TMEM272: variants seen among roughly 807,000 people sequenced by gnomAD.
The protein encoded by TMEM272 is long intergenic non-protein coding RNA 282.
A neutral mutation model predicts 3.7 loss-of-function variants in TMEM272; 8 were observed. The ratio of observed to expected loss-of-function variants is 2.17; its 90% CI spans 1.27 to 3.91. TMEM272 has a LOEUF of 3.91. Ranked by LOEUF, TMEM272 falls within the 30% of genes most tolerant of loss-of-function variation. The pLI, the probability that TMEM272 is intolerant of heterozygous loss-of-function variation, is 0.00. For synonymous variants in TMEM272, 63 were observed against 39.8 expected (o/e 1.58, Z -2.20); for missense variants, 166 against 91.5 (o/e 1.81, Z -3.32).
the TMEM272 span, among the ~76,000 whole-genome samples, chr13:51,870,066 G>A: frequency 6.6e-6 from 1 of 152,126 alleles, no homozygotes; most frequent in African/African-American, 2.4e-5. Flanking sequence ...AGTCTTTATG[G>A]TGGCTTTTGT....
At chr13:51,889,538 C>T in the TMEM272 span, among the ~76,000 whole-genome samples, 6,412 of 152,194 alleles carry the variant, frequency 0.042, 453 homozygotes, top group African/African-American at 0.15. Flanking sequence ...CCAGCCCTGC[C>T]GGCACCTTGA....
At chr13:51,847,857 A>T (rs145695367), upstream of TMEM272, among the ~76,000 whole-genome samples, 4 of 152,324 alleles carry the variant, frequency 2.6e-5, no homozygotes, top group Non-Finnish European at 1.5e-5. Flanking sequence ...CTGGGAGTTC[A>T]GGAAGGGAGA....
chr13:51,817,327 G>A (rs1378188901), intron 4 of TMEM272, among the ~76,000 whole-genome samples: 2 of 152,228 alleles, frequency 1.3e-5, no homozygotes, highest in African/African-American at 4.8e-5. Context: ...TGGCAAGAAT[G>A]AAGGCATAAA....
chr13:51,914,830 C>T, the TMEM272 span, among the ~76,000 whole-genome samples: 4 of 152,218 alleles, frequency 2.6e-5, no homozygotes, highest in East Asian at 7.7e-4. Context: ...GTCCAAGATG[C>T]CCTTTTGAGG....
intron 2 of TMEM272, among the ~76,000 whole-genome samples, chr13:51,827,085 C>A (rs185834268): frequency 1.2e-3 from 178 of 152,338 alleles, no homozygotes; most frequent in Non-Finnish European, 1.9e-3. Context: ...ATTTGCTTCA[C>A]AAAATCTTCT....
rs975183241 is a variant in TMEM272, at chr13:51,816,537, T to C, written c.*214A>G. The C allele has an allele frequency of 2.0e-6, 1 of 495,246 alleles. No individual in the cohort carries two copies. Among genetic ancestry groups the C allele is most frequent in the Non-Finnish European group, 3.6e-6 (1 of 277,822 alleles). 30.7% of individuals were successfully genotyped at this position (495,246 alleles called of 1,614,324 possible). ...CACTCTGAAAAGAGCAGAAGTGATT[T>C]CCCCATGTCTAGGAAGGCAAGAGTT... is the stretch of plus-strand genomic sequence containing the variant. On this transcript the variant is annotated 3_prime_UTR_variant, in exon 5 of 5. Coordinates refer to ENST00000629372, the MANE Select transcript of TMEM272 (RefSeq NM_001351003.2).
chr13:51,821,078 C>A (rs760331205), intron 4 of TMEM272, among the ~76,000 whole-genome samples: 3 of 152,190 alleles, frequency 2.0e-5, no homozygotes, highest in Non-Finnish European at 2.9e-5. Context: ...GCATGACCAG[C>A]GCCACTGGCC....
chr13:51,837,561 G>C (rs529341899), intron 2 of TMEM272, among the ~76,000 whole-genome samples: 2 of 152,206 alleles, frequency 1.3e-5, no homozygotes, highest in African/African-American at 2.4e-5. Context: ...GCCCATCAGC[G>C]AATGGAGAAG....
the TMEM272 span, among the ~76,000 whole-genome samples, chr13:51,914,806 G>A: frequency 4.6e-5 from 7 of 152,182 alleles, no homozygotes; most frequent in Admixed American, 2.0e-4. Flanking sequence ...CTGACTCCAG[G>A]GGCACATGTT....
At chr13:51,851,512 T>C in the TMEM272 span, among the ~76,000 whole-genome samples, 30 of 146,244 alleles carry the variant, frequency 2.1e-4, no homozygotes. Context: ...CGAAAAGACC[T>C]TTGTTTTACC....
At chr13:51,916,982 T>A in the TMEM272 span, among the ~76,000 whole-genome samples, 2 of 152,176 alleles carry the variant, frequency 1.3e-5, no homozygotes, top group East Asian at 1.9e-4. Context: ...TCACCAGTGT[T>A]TTCTCCATTC....
the TMEM272 span, chr13:51,909,955 T>C: frequency 1.9e-6 from 3 of 1,595,452 alleles, no homozygotes; most frequent in Admixed American, 5.0e-5. Context: ...AAAAGCTGTT[T>C]CTGGCTTTCC....
At chr13:51,910,655 A>G in the TMEM272 span, 14 of 498,042 alleles carry the variant, frequency 2.8e-5, no homozygotes, top group African/African-American at 2.1e-4. Context: ...GGCCAAAGTA[A>G]CCATGGCCTG....
At chr13:51,826,264 T>C (rs1956124459) in intron 3 of TMEM272, among the ~76,000 whole-genome samples, 1 of 151,864 alleles carries the variant, frequency 6.6e-6, no homozygotes, top group Non-Finnish European at 1.5e-5. Flanking sequence ...TTGGGAAACC[T>C]CTAGCCCAGT....
upstream of TMEM272, among the ~76,000 whole-genome samples, chr13:51,847,135 ATACT>A (rs1208302426): frequency 3.9e-5 from 6 of 152,210 alleles, no homozygotes; most frequent in African/African-American, 9.7e-5. Flanking sequence ...AGATACACAA[ATACT>A]TACCACAGTG....
At chr13:51,851,435 C>A in the TMEM272 span, among the ~76,000 whole-genome samples, 2 of 113,708 alleles carry the variant, frequency 1.8e-5, no homozygotes, top group East Asian at 2.6e-4. Context: ...GAAGAAGACG[C>A]CCTACATTTG....
chr13:51,816,509 T>A lies in TMEM272; in HGVS notation c.*242A>T. On this transcript the variant is annotated 3_prime_UTR_variant, in exon 5 of 5. Coordinates refer to ENST00000629372, the MANE Select transcript of TMEM272 (RefSeq NM_001351003.2). ...TTGAAAACTCTTGTGAGAACAAAAT[T>A]CCCACTCTGAAAAGAGCAGAAGTGA... The A allele has an allele frequency of 4.7e-6, 2 of 428,156 alleles. No homozygotes were observed. Among genetic ancestry groups the A allele is most frequent in the South Asian group, 9.2e-5 (2 of 21,756 alleles). 26.5% of individuals were successfully genotyped at this position (428,156 alleles called of 1,614,324 possible). A position where few individuals can be genotyped will look rare whatever the true frequency, so the allele number is the denominator to read the frequency against.
intron 3 of TMEM272, among the ~76,000 whole-genome samples, chr13:51,824,931 C>T (rs548042701): frequency 3.3e-5 from 5 of 152,226 alleles, no homozygotes; most frequent in Middle Eastern, 3.4e-3. Flanking sequence ...CCGGCCTGGG[C>T]GACAGAGTGA....
the TMEM272 span, among the ~76,000 whole-genome samples, chr13:51,916,867 G>A: frequency 6.6e-6 from 1 of 152,124 alleles, no homozygotes; most frequent in African/African-American, 2.4e-5. Flanking sequence ...CCTCCACCCC[G>A]TGAGCATTCC....
Sources: gnomAD v4.1 joint callset for allele counts (sites outside exome capture counted in the v4.1 genomes callset) on GRCh38, gnomAD v4.1.1 for gene constraint, MANE v1.5 for transcripts, NCBI Gene and HGNC (gene_info 2026-07-23, HGNC 2026-07-21) for gene names.